The following DENND5A variants were observed in gnomAD, a reference collection of about 807,000 sequenced individuals.
The protein encoded by DENND5A is DENN domain containing 5A.
DENND5A carries 64 observed loss-of-function variants against 140.3 expected under a neutral mutation model. That is an observed-to-expected ratio of 0.46 (90% CI 0.37 to 0.56). The LOEUF (loss-of-function observed/expected upper bound fraction) is 0.56. DENND5A is among the 20% of genes least tolerant of loss of function. The pLI is 0.00. For missense variants in DENND5A, 1,292 were observed against 1,593.8 expected (o/e 0.81, Z 3.22); for synonymous variants, 605 against 607.7 (o/e 1.00, Z 0.07).
intron 1 of DENND5A, among the ~76,000 whole-genome samples, chr11:9,230,589 T>C (rs183546311): frequency 2.6e-5 from 4 of 152,264 alleles, no homozygotes; most frequent in Admixed American, 1.3e-4. Context: ...GTGTCAGCCA[T>C]TGAACCTTAA....
intron 8 of DENND5A, among the ~76,000 whole-genome samples, chr11:9,177,699 T>C (rs1446378329): frequency 7.2e-6 from 1 of 139,290 alleles, no homozygotes; most frequent in African/African-American, 2.7e-5. Context: ...TCTGTAACCA[T>C]GAGGCTTTCA....
chr11:9,186,970 G>C, intron 5 of DENND5A, among the ~76,000 whole-genome samples: 1 of 152,136 alleles, frequency 6.6e-6, no homozygotes, highest in Non-Finnish European at 1.5e-5. Context: ...TGTAATCCCA[G>C]CTACTCGGGA....
At chr11:9,195,336 A>T (rs1253207858) in intron 4 of DENND5A, among the ~76,000 whole-genome samples, 3 of 152,148 alleles carry the variant, frequency 2.0e-5, no homozygotes, top group Non-Finnish European at 4.4e-5. Flanking sequence ...TCGGCCTCCC[A>T]AAGTGCTGGG....
rs549732729 is a variant in DENND5A, at chr11:9,172,943, G to C, written c.1907-2166C>G. Among the ~76,000 whole-genome samples the C allele has an allele frequency of 1.8e-4, 28 of 151,908 alleles. No homozygotes were observed. The South Asian group carries it at 5.8e-3, about 32-fold the overall frequency. On this transcript the variant is annotated intron_variant, in intron 8 of 22. Transcript: ENST00000328194. Reference sequence around the variant, plus strand: ...CAATTCTTGTGCCTCAGCCTCCTGAGTAGCTTGGACTACAAGCACGTACTA... The same window carrying C: ...CAATTCTTGTGCCTCAGCCTCCTGACTAGCTTGGACTACAAGCACGTACTA...
intron 11 of DENND5A, among the ~76,000 whole-genome samples, chr11:9,161,347 CA>C (rs11354858): frequency 0.48 from 69,251 of 145,550 alleles, 16,951 homozygotes; most frequent in African/African-American, 0.64. Context: ...GACTCCGTCT[CA>C]AAAAAAAAAA....
intron 1 of DENND5A, among the ~76,000 whole-genome samples, chr11:9,236,034 A>AGGTCAAGACCAGCC (rs1850985820): frequency 6.6e-6 from 1 of 152,114 alleles, no homozygotes; most frequent in Non-Finnish European, 1.5e-5. Context: ...TGAGACCAGG[A>AGGTCAAGACCAGCC]GGTCAAGACC....
chr11:9,218,180 G>C (rs1158063817), intron 1 of DENND5A, among the ~76,000 whole-genome samples: 4 of 151,972 alleles, frequency 2.6e-5, no homozygotes, highest in African/African-American at 4.8e-5. Flanking sequence ...GACTGCATGA[G>C]CTCAGGAGGC....
In DENND5A at chr11:9,235,385, G is replaced by A. The variant is rs762372605; in HGVS notation, c.110-27753C>T. Among the ~76,000 whole-genome samples the A allele has an allele frequency of 7.2e-5, 11 of 152,264 alleles. No homozygotes were observed. In the East Asian group the frequency reaches 7.7e-4, roughly 11 times the overall value. ...TTAAAAACATCCTGCTAGGCTGGGC[G>A]GGGTGGCTCACGCCTGTAATCCCAG... is the stretch of plus-strand genomic sequence containing the variant. On this transcript the variant is annotated intron_variant, in intron 1 of 22. Transcript: ENST00000328194.
intron 18 of DENND5A, 128 bp from the exon 19 acceptor site, chr11:9,144,406 C>G (rs1335266293): frequency 1.2e-5 from 11 of 893,070 alleles, no homozygotes; most frequent in South Asian, 1.2e-4. Context: ...CAATGCTCTG[C>G]TGGTTCCACC....
chr11:9,162,332 C>T (rs763205277), intron 11 of DENND5A, among the ~76,000 whole-genome samples: 4 of 151,050 alleles, frequency 2.6e-5, no homozygotes, highest in African/African-American at 4.9e-5. Context: ...TCCGCCTCCC[C>T]GGTTCAAGCA....
Position 9,203,808 on chromosome 11 carries a change from C to T in DENND5A, c.801G>A (p.Gly267=), listed in dbSNP as rs1428210451. The part of the protein sequence containing the change: ...GRSLKFSGVY[G]PIICQRPSTN... The stretch of plus-strand genomic sequence containing the variant: ...TACTTGGTCTCTGGCAGATTATTGG[C>T]CCATAGACCCCAGAAAACTTCAAGG... The change falls in exon 4 of 23, where the codon GGG becomes GGA. Residue 267 remains glycine (G), a synonymous_variant. Transcript: ENST00000328194. The T allele has an allele frequency of 3.7e-6, 6 of 1,614,136 alleles. No homozygotes were observed. Among genetic ancestry groups the T allele is most frequent in the Non-Finnish European group, 5.1e-6 (6 of 1,180,018 alleles).
chr11:9,170,557 C>G (rs983534520), intron 9 of DENND5A, 70 bp downstream of exon 9: 1 of 1,582,940 alleles, frequency 6.3e-7, no homozygotes, highest in East Asian at 2.2e-5. Flanking sequence ...GGTAACAGCC[C>G]TAGCCCAGAT....
rs767207701 is a variant in DENND5A, at chr11:9,193,514, T to C, written c.1117A>G (p.Lys373Glu). The change falls in exon 5 of 23, where the codon AAG becomes GAG. Residue 373 changes from lysine to glutamate, a missense_variant. Lys to Glu is a moderately conservative substitution (Grantham distance 56). Around this residue, in one of 4 missense-constraint regions of DENND5A, gnomAD observed 566 missense variants for 650.4 expected, o/e 0.87. Coordinates refer to ENST00000328194, the MANE Select transcript of DENND5A (RefSeq NM_015213.4). ...CTCACCTCTTGAGGCAGCTCCAGCTTTGACCGGTCATCCAGGCCATTGGAA... is the reference window on the plus strand; with the variant it reads ...CTCACCTCTTGAGGCAGCTCCAGCTCTGACCGGTCATCCAGGCCATTGGAA... ...LHSNGLDDRSKLELPQEANLC... is the reference protein window; with the variant it reads ...LHSNGLDDRSELELPQEANLC... The C allele has an allele frequency of 2.5e-6, 4 of 1,610,714 alleles. No individual in the cohort carries two copies. Among genetic ancestry groups the C allele is most frequent in the Non-Finnish European group, 3.4e-6 (4 of 1,178,614 alleles).
intron 6 of DENND5A, among the ~76,000 whole-genome samples, chr11:9,179,381 G>A (rs1446796593): frequency 1.3e-5 from 2 of 152,134 alleles, no homozygotes; most frequent in Admixed American, 6.5e-5. Context: ...TATCTCAAAG[G>A]TCAGGGAGAA....
intron 1 of DENND5A, among the ~76,000 whole-genome samples, chr11:9,261,425 G>A (rs1852192873): frequency 1.3e-5 from 2 of 152,098 alleles, no homozygotes; most frequent in African/African-American, 2.4e-5. Flanking sequence ...GCTGAGGAGA[G>A]AAAATGCACC....
At position 9,173,995 on chromosome 11, in the gene DENND5A, C is replaced by T. The variant is rs1848460242; in HGVS notation, c.1907-3218G>A. ...GCGAGCGCCTGTAGTCCCAGCTACT[C>T]GGGAGGCTGAGGCAGGAGAATGGCG... On this transcript the variant is annotated intron_variant, in intron 8 of 22. Coordinates refer to ENST00000328194, the MANE Select transcript of DENND5A (RefSeq NM_015213.4). 3.4e-5 allele frequency among the ~76,000 whole-genome samples: 5 copies of T among 146,806 alleles called. No homozygotes were observed. In the South Asian group the frequency reaches 1.1e-3, roughly 32 times the overall value.
In DENND5A at chr11:9,193,590, A is replaced by G; in HGVS notation, c.1041T>C (p.Ala347=). 1 of 1,614,162 alleles carries G rather than the reference A, an allele frequency of 6.2e-7. No homozygotes were observed. Among genetic ancestry groups the G allele is most frequent in the Non-Finnish European group, 8.5e-7 (1 of 1,180,018 alleles). ...WQHVYVPILP[A]SLLHFLDAPV... is the part of the protein sequence containing the mutation. ...GAGCATCTAAGAAATGCAGGAGAGA[A>G]GCTGGGAGAATAGGGACATAGACAT... is the stretch of plus-strand genomic sequence containing the variant. The change falls in exon 5 of 23, where the codon GCT becomes GCC. Residue 347 remains alanine, a synonymous_variant. Coordinates refer to ENST00000328194, the MANE Select transcript of DENND5A (RefSeq NM_015213.4).
At chr11:9,241,707 G>C (rs1244801323) in intron 1 of DENND5A, among the ~76,000 whole-genome samples, 2 of 152,062 alleles carry the variant, frequency 1.3e-5, no homozygotes, top group African/African-American at 4.8e-5. Context: ...GGTATACCCT[G>C]ACCATCCTAT....
At chr11:9,254,260 A>G (rs539888657) in intron 1 of DENND5A, among the ~76,000 whole-genome samples, 4 of 151,430 alleles carry the variant, frequency 2.6e-5, no homozygotes, top group African/African-American at 9.7e-5. Flanking sequence ...CAGAAATTCG[A>G]GGCTCAGAAA....
Sources: gnomAD v4.1 joint callset for allele counts (sites outside exome capture counted in the v4.1 genomes callset) on GRCh38, gnomAD v4.1.1 for gene constraint, gnomAD v4.1.1 regional missense constraint, MANE v1.5 for transcripts, NCBI Gene and HGNC (gene_info 2026-07-23, HGNC 2026-07-21) for gene names.